The following ZNF804A variants were observed in gnomAD, a reference collection of about 807,000 sequenced individuals.
ZNF804A encodes zinc finger protein 804A.
Under a neutral mutation model 16.5 loss-of-function variants are expected in ZNF804A, and 2 were observed. The ratio of observed to expected loss-of-function variants is 0.12; its 90% CI spans 0.05 to 0.38. ZNF804A has a LOEUF of 0.38. Among genes scored for constraint, ZNF804A ranks in the 10% least tolerant of loss-of-function variants. The pLI is 0.99. For synonymous variants in ZNF804A, 534 were observed against 489.6 expected, an observed-to-expected ratio of 1.09 and a Z score of -1.20; for missense variants, 1,473 against 1,390.7, an observed-to-expected ratio of 1.06 and a Z score of -0.94.
At chr2:184,819,532 AC>A (rs1695037359) in intron 1 of ZNF804A, among the ~76,000 whole-genome samples, 1 of 151,962 alleles carries the variant, frequency 6.6e-6, no homozygotes, top group Admixed American at 6.6e-5. Flanking sequence ...GAGAAAACAA[AC>A]CCAAAATCTA....
At chr2:184,714,311 C>T (rs975745723) in intron 1 of ZNF804A, among the ~76,000 whole-genome samples, 2 of 152,032 alleles carry the variant, frequency 1.3e-5, no homozygotes, top group Admixed American at 6.6e-5. Flanking sequence ...CATGCACACA[C>T]TATTCCTGGC....
chr2:184,689,079 A>T (rs1469972254), intron 1 of ZNF804A, among the ~76,000 whole-genome samples: 9 of 152,188 alleles, frequency 5.9e-5, no homozygotes. Flanking sequence ...TATTCTACAC[A>T]CAAGGAATAT....
chr2:184,707,096 C>T (rs1014360658), intron 1 of ZNF804A, among the ~76,000 whole-genome samples: 14 of 152,082 alleles, frequency 9.2e-5, no homozygotes, highest in Non-Finnish European at 2.1e-4. Flanking sequence ...CTTGTATTGA[C>T]TCATTAGGAC....
chr2:184,762,972 C>T (rs1450732104), intron 1 of ZNF804A, among the ~76,000 whole-genome samples: 2 of 152,132 alleles, frequency 1.3e-5, no homozygotes, highest in South Asian at 2.1e-4. Context: ...TCTTTTAAAT[C>T]ACAAATGTTA....
chr2:184,605,757 G>C (rs139445363), intron 1 of ZNF804A, among the ~76,000 whole-genome samples: 5 of 152,182 alleles, frequency 3.3e-5, no homozygotes, highest in Admixed American at 6.5e-5. Flanking sequence ...ATCCTAGGGG[G>C]ATCTTAGAAC....
intron 1 of ZNF804A, among the ~76,000 whole-genome samples, chr2:184,697,675 C>T (rs955371262): frequency 5.3e-5 from 8 of 151,992 alleles, no homozygotes; most frequent in African/African-American, 1.9e-4. Flanking sequence ...GTCCTTCTAA[C>T]ATTAAATAAT....
intron 1 of ZNF804A, among the ~76,000 whole-genome samples, chr2:184,778,953 T>C (rs1694332777): frequency 6.6e-6 from 1 of 151,728 alleles, no homozygotes; most frequent in Non-Finnish European, 1.5e-5. Context: ...CAGTTGAGAA[T>C]AAGTGAATAG....
At position 184,599,200 on chromosome 2, in the gene ZNF804A, T is replaced by TA. The variant is rs1691007956; in HGVS notation, c.111+130_111+131insA. On this transcript the variant is annotated intron_variant, in intron 1 of 3. Coordinates refer to ENST00000302277, the MANE Select transcript of ZNF804A (RefSeq NM_194250.2). ...ATTTTTTTATCTGGTGGGCGTGGGG[T>TA]GAGAATTGGGTGTAGAAAAAGGAAG... The TA allele has an allele frequency of 5.4e-6, 4 of 734,746 alleles. No homozygotes were observed. In the South Asian group the frequency reaches 6.8e-5, roughly 13 times the overall value. The allele number at this position is 734,746 out of a possible 1,614,324, so 45.5% of individuals were successfully genotyped here.
chr2:184,604,146 CTTTTTTTTTTTTTTT>C lies in ZNF804A; in HGVS notation c.111+5103_111+5117del, dbSNP rs759053144. Among the ~76,000 whole-genome samples the C allele has an allele frequency of 2.8e-3, 127 of 44,868 alleles. 8 individuals carry two copies. The highest frequency in any genetic ancestry group is 0.027 in the East Asian group (32 of 1,186). 29.4% of individuals were successfully genotyped at this position (44,868 alleles called of 152,430 possible). On this transcript the variant is annotated intron_variant, in intron 1 of 3. Coordinates refer to ENST00000302277, the MANE Select transcript of ZNF804A (RefSeq NM_194250.2). ...TTCAGGTTATGGATGACTGCAATTA[CTTTTTTTTTTTTTTT>C]TTTTTTTTTTTTTTTTTTTTTTTTT...
chr2:184,775,946 C>T (rs142552000), intron 1 of ZNF804A, among the ~76,000 whole-genome samples: 1,560 of 151,594 alleles, frequency 0.01, 18 homozygotes, highest in Non-Finnish European at 0.017. Context: ...AAGAATTTTG[C>T]TTAGAAGTAT....
intron 2 of ZNF804A, among the ~76,000 whole-genome samples, chr2:184,932,766 A>G (rs1251169927): frequency 6.6e-6 from 1 of 152,214 alleles, no homozygotes; most frequent in Non-Finnish European, 1.5e-5. Context: ...TTTGTGGCAC[A>G]AGATAACTTT....
chr2:184,860,187 G>A (rs572410449), intron 1 of ZNF804A, among the ~76,000 whole-genome samples: 1 of 152,218 alleles, frequency 6.6e-6, no homozygotes, highest in Non-Finnish European at 1.5e-5. Flanking sequence ...GGACTTGCCT[G>A]TAATCTTTAT....
At chr2:184,719,381 A>G (rs1416926118) in intron 1 of ZNF804A, among the ~76,000 whole-genome samples, 3 of 151,964 alleles carry the variant, frequency 2.0e-5, no homozygotes, top group Non-Finnish European at 4.4e-5. Flanking sequence ...TGTCTTGGGG[A>G]TTAACATTTG....
At chr2:184,680,472 G>A (rs1051960828) in intron 1 of ZNF804A, among the ~76,000 whole-genome samples, 2 of 152,220 alleles carry the variant, frequency 1.3e-5, no homozygotes, top group African/African-American at 4.8e-5. Flanking sequence ...TCTCCTCACT[G>A]CTGAGATCTG....
intron 1 of ZNF804A, among the ~76,000 whole-genome samples, chr2:184,703,748 A>G (rs1692969901): frequency 6.6e-6 from 1 of 151,640 alleles, no homozygotes; most frequent in South Asian, 2.1e-4. Flanking sequence ...AATGCAGGAA[A>G]CATTTGTTTG....
chr2:184,697,316 G>T (rs1296020302), intron 1 of ZNF804A, among the ~76,000 whole-genome samples: 4 of 152,042 alleles, frequency 2.6e-5, no homozygotes, highest in Admixed American at 1.3e-4. Context: ...ATGAGAAGCA[G>T]TTGAACCATG....
intron 1 of ZNF804A, among the ~76,000 whole-genome samples, chr2:184,792,770 C>G (rs1207283827): frequency 6.6e-6 from 1 of 150,942 alleles, no homozygotes; most frequent in Non-Finnish European, 1.5e-5. Context: ...AGGAGTTTTT[C>G]TTTTTTTTTC....
At chr2:184,852,381 C>A (rs1416212514) in intron 1 of ZNF804A, among the ~76,000 whole-genome samples, 1 of 151,114 alleles carries the variant, frequency 6.6e-6, no homozygotes, top group Non-Finnish European at 1.5e-5. Flanking sequence ...TTTTTCCTGT[C>A]CTGTTGGTTG....
chr2:184,665,631 A>G (rs929075019), intron 1 of ZNF804A, among the ~76,000 whole-genome samples: 1 of 152,198 alleles, frequency 6.6e-6, no homozygotes, highest in Non-Finnish European at 1.5e-5. Context: ...AGGTATCAGA[A>G]TGGGTCAGCT....
Sources: allele counts gnomAD v4.1 joint callset (sites outside exome capture counted in the v4.1 genomes callset), GRCh38; gene constraint gnomAD v4.1.1; transcripts MANE v1.5; gene names NCBI Gene and HGNC (gene_info 2026-07-23, HGNC 2026-07-21).